MAEL: variants seen among roughly 807,000 people sequenced by gnomAD.
The protein encoded by MAEL is protein maelstrom homolog.
Under a neutral mutation model 62.0 loss-of-function variants are expected in MAEL, and 46 were observed. The ratio of observed to expected loss-of-function variants is 0.74; its 90% CI spans 0.59 to 0.95. The LOEUF (loss-of-function observed/expected upper bound fraction) is 0.95, where lower values mean the gene tolerates loss of function less well. MAEL is among the 40% of genes least tolerant of loss of function. The pLI is 0.00. For synonymous variants in MAEL, 172 were observed against 175.5 expected, an observed-to-expected ratio of 0.98 and a Z score of 0.16; for missense variants, 497 against 526.8, an observed-to-expected ratio of 0.94 and a Z score of 0.55.
chr1:167,005,037 A>G, intron 6 of MAEL, 39 bp from the exon 7 acceptor site: 1 of 1,591,190 alleles, frequency 6.3e-7, no homozygotes, highest in Non-Finnish European at 8.6e-7. Context: ...AGATACAAGT[A>G]GTTTTTTTGT....
intron 1 of MAEL, among the ~76,000 whole-genome samples, chr1:166,982,993 TA>T (rs1290936312): frequency 6.6e-6 from 1 of 152,228 alleles, no homozygotes; most frequent in African/African-American, 2.4e-5. Context: ...GGGCCTTTAA[TA>T]ACCACCCTAA....
At chr1:167,006,636 T>TATATAC (rs1557982563) in intron 8 of MAEL, among the ~76,000 whole-genome samples, 27 of 92,320 alleles carry the variant, frequency 2.9e-4, no homozygotes, top group Admixed American at 6.4e-4. Flanking sequence ...TATATATATA[T>TATATAC]ACATTTTTTT....
intron 2 of MAEL, 170 bp downstream of exon 2, chr1:166,989,999 C>G: frequency 1.7e-6 from 1 of 605,388 alleles, no homozygotes; most frequent in South Asian, 2.1e-5. Context: ...TAAAAAAAAC[C>G]AACAGCCTCC....
intron 2 of MAEL, among the ~76,000 whole-genome samples, 199 bp from the exon 3 acceptor site, chr1:166,991,179 C>G (rs918071811): frequency 6.6e-6 from 1 of 152,194 alleles, no homozygotes; most frequent in Admixed American, 6.5e-5. Flanking sequence ...TTATTTACCA[C>G]TCCCCTTCTG....
At chr1:167,004,064 T>C (rs1211386431) in intron 5 of MAEL, 116 bp from the exon 6 acceptor site, 3 of 842,194 alleles carry the variant, frequency 3.6e-6, no homozygotes, top group African/African-American at 3.5e-5. Flanking sequence ...CGGGGCTTTG[T>C]ACAAGTACTT....
At chr1:167,016,613 T>C (rs1665400953) in intron 9 of MAEL, among the ~76,000 whole-genome samples, 1 of 152,180 alleles carries the variant, frequency 6.6e-6, no homozygotes, top group East Asian at 1.9e-4. Flanking sequence ...GCTACCGTTA[T>C]GATCCAGCAC....
At position 166,989,320 on chromosome 1, in the gene MAEL, C is replaced by G. The variant is rs373094105; in HGVS notation, c.-33C>G. ...CCGGCGAGGGCGCCGGTGCTTTGTT[C>G]TGTCTGAGGCCAGGAAGTTTGACCG... On this transcript the variant is annotated 5_prime_UTR_variant, in exon 1 of 12. Coordinates refer to ENST00000367872, the MANE Select transcript of MAEL (RefSeq NM_032858.3). The G allele has an allele frequency of 7.7e-5, 123 of 1,599,788 alleles. No homozygotes were observed. Among genetic ancestry groups the G allele is most frequent in the Non-Finnish European group, 9.6e-5 (113 of 1,173,120 alleles).
intron 6 of MAEL, 66 bp downstream of exon 6, chr1:167,004,370 AGAATTTTTGCCTGTG>A: frequency 2.8e-6 from 4 of 1,452,472 alleles, no homozygotes; most frequent in Non-Finnish European, 3.7e-6. Context: ...CATAAAACAA[AGAATTTTTGCCTGTG>A]TATTTTTGTC....
chr1:166,986,479 T>G (rs1029809737), upstream of MAEL, among the ~76,000 whole-genome samples: 1 of 152,262 alleles, frequency 6.6e-6, no homozygotes, highest in Middle Eastern at 3.4e-3. Context: ...CTAAGCTGCT[T>G]GTCTGTTTGG....
chr1:167,020,435 A>C (rs1408103110), intron 10 of MAEL, among the ~76,000 whole-genome samples: 1 of 152,148 alleles, frequency 6.6e-6, no homozygotes, highest in African/African-American at 2.4e-5. Context: ...CTGACTATTC[A>C]TCACCACCAA....
intron 3 of MAEL, among the ~76,000 whole-genome samples, chr1:166,992,482 A>G (rs1045716089): frequency 3.9e-5 from 6 of 152,138 alleles, no homozygotes; most frequent in African/African-American, 1.4e-4. Context: ...GGTTACTTTA[A>G]TCCTTGATAA....
intron 8 of MAEL, among the ~76,000 whole-genome samples, chr1:167,006,691 A>G (rs1664928114): frequency 1.4e-5 from 2 of 140,792 alleles, no homozygotes; most frequent in African/African-American, 5.2e-5. Flanking sequence ...GCTGGAGTGC[A>G]GTAGTGTAAT....
chr1:167,000,470 C>G (rs928605831), intron 5 of MAEL, among the ~76,000 whole-genome samples: 1 of 152,152 alleles, frequency 6.6e-6, no homozygotes, highest in Non-Finnish European at 1.5e-5. Context: ...AGAAAATAAA[C>G]TAGTTGCTTG....
At chr1:166,985,813 TAAG>T (rs2102061538), upstream of MAEL, among the ~76,000 whole-genome samples, 1 of 152,052 alleles carries the variant, frequency 6.6e-6, no homozygotes, top group East Asian at 1.9e-4. Flanking sequence ...ACATAATCCA[TAAG>T]AAGAAAAATC....
chr1:166,985,440 G>A (rs1663883734), upstream of MAEL, among the ~76,000 whole-genome samples: 1 of 152,180 alleles, frequency 6.6e-6, no homozygotes, highest in Non-Finnish European at 1.5e-5. Flanking sequence ...AACCTGAAAG[G>A]ATTACAAGTA....
intron 8 of MAEL, among the ~76,000 whole-genome samples, chr1:167,008,156 A>G (rs758660084): frequency 6.6e-6 from 1 of 152,112 alleles, no homozygotes; most frequent in Admixed American, 6.6e-5. Flanking sequence ...GTTGTTTCCA[A>G]AGACTAGGGA....
chr1:166,999,797 G>A (rs1441146738), intron 5 of MAEL, among the ~76,000 whole-genome samples: 1 of 152,174 alleles, frequency 6.6e-6, no homozygotes, highest in Admixed American at 6.5e-5. Flanking sequence ...TTAAGTTGAA[G>A]CCAGGGCTCA....
chr1:166,999,888 A>G (rs1314668617), intron 5 of MAEL, among the ~76,000 whole-genome samples: 1 of 152,196 alleles, frequency 6.6e-6, no homozygotes, highest in Non-Finnish European at 1.5e-5. Context: ...ATGGAACAAC[A>G]AAGCCTAGAA....
chr1:166,993,166 T>C (rs1664267411), intron 4 of MAEL, among the ~76,000 whole-genome samples: 2 of 152,202 alleles, frequency 1.3e-5, no homozygotes, highest in South Asian at 4.1e-4. Flanking sequence ...TTTCTTTTTC[T>C]ACCTCATCCT....
Sources: allele counts gnomAD v4.1 joint callset (sites outside exome capture counted in the v4.1 genomes callset), GRCh38; gene constraint gnomAD v4.1.1; transcripts MANE v1.5; gene names NCBI Gene and HGNC (gene_info 2026-07-23, HGNC 2026-07-21).